ANKRD55: variants seen among roughly 807,000 people sequenced by gnomAD.
The protein encoded by ANKRD55 is ankyrin repeat domain-containing protein 55.
Under a neutral mutation model 60.6 loss-of-function variants are expected in ANKRD55, and 41 were observed. That is an observed-to-expected ratio of 0.68 (90% confidence interval 0.53 to 0.88). ANKRD55 has a LOEUF of 0.88. ANKRD55 is among the 40% of genes least tolerant of loss of function. The pLI is 0.00. For synonymous variants in ANKRD55, 264 were observed against 290.3 expected, an observed-to-expected ratio of 0.91 and a Z score of 0.92; for missense variants, 732 against 767.6, an observed-to-expected ratio of 0.95 and a Z score of 0.55.
At chr5:56,224,682 C>T (rs930425243) in intron 2 of ANKRD55, among the ~76,000 whole-genome samples, 5 of 152,060 alleles carry the variant, frequency 3.3e-5, no homozygotes, top group African/African-American at 4.8e-5. Flanking sequence ...ATACAAACTA[C>T]CATCAGAGAA....
At chr5:56,167,165 A>G (rs932689196) in intron 5 of ANKRD55, among the ~76,000 whole-genome samples, 1 of 152,220 alleles carries the variant, frequency 6.6e-6, no homozygotes, top group African/African-American at 2.4e-5. Context: ...ACTTTCTGAG[A>G]AATGTGTCGT....
At chr5:56,184,235 C>T (rs1758917154) in intron 2 of ANKRD55, among the ~76,000 whole-genome samples, 1 of 152,190 alleles carries the variant, frequency 6.6e-6, no homozygotes, top group Admixed American at 6.5e-5. Context: ...TCCCCTAGTG[C>T]CGTGTTCGGC....
In ANKRD55 at chr5:56,166,158, T is replaced by TTTCTTTCC. The variant is rs1554040812; in HGVS notation, c.422+4535_422+4536insGGAAAGAA. ...TCTTTCTTTCTTTCTTTCTTTCTTCTTTCCTTCCTTCCTTCCTTCCTTCCT... is the reference window on the plus strand; with the variant it reads ...TCTTTCTTTCTTTCTTTCTTTCTTCTTTCTTTCCTTCCTTCCTTCCTTCCTTCCTTCCT... On this transcript the variant is annotated intron_variant, in intron 5 of 11. Coordinates refer to ENST00000341048, the MANE Select transcript of ANKRD55 (RefSeq NM_024669.3). Among the ~76,000 whole-genome samples, 113 of 72,454 alleles carry TTTCTTTCC rather than the reference T, an allele frequency of 1.6e-3. 14 individuals carry two copies. Among genetic ancestry groups the TTTCTTTCC allele is most frequent in the South Asian group, 7.2e-3 (16 of 2,226 alleles). The allele number at this position is 72,454 out of a possible 152,430, so 47.5% of individuals were successfully genotyped here. A position where few individuals can be genotyped will look rare whatever the true frequency, so the allele number is the denominator to read the frequency against.
At chr5:56,231,663 A>G (rs1001732195) in intron 2 of ANKRD55, among the ~76,000 whole-genome samples, 91 of 12,782 alleles carry the variant, frequency 7.1e-3, no homozygotes, top group African/African-American at 0.026. Flanking sequence ...GCACACACAC[A>G]CACACACACA....
intron 8 of ANKRD55, among the ~76,000 whole-genome samples, chr5:56,125,290 TTTTTCAGA>T (rs1053285433): frequency 1.3e-5 from 2 of 152,066 alleles, no homozygotes; most frequent in Admixed American, 1.3e-4. Context: ...TTTCTTTTTT[TTTTTCAGA>T]CAGAGTCTTG....
rs772756747 is a variant in ANKRD55 at position 56,111,472 on chromosome 5, G to T, written c.1276C>A (p.Arg426Ser). 4 of 1,614,154 alleles carry T rather than the reference G, an allele frequency of 2.5e-6. No homozygotes were observed. Among genetic ancestry groups the T allele is most frequent in the Middle Eastern group, 1.7e-4 (1 of 6,056 alleles). Residue 426 changes from arginine (R) to serine (S), a missense_variant, in exon 10 of 12, where the codon CGT becomes AGT. Physicochemically the swap from Arg to Ser is moderately radical, Grantham distance 110. Transcript: ENST00000341048. The stretch of plus-strand genomic sequence containing the variant: ...GTTCTGATTGGTGGAAGCCCCTTAC[G>T]GGCCAGCGGTTTCTTTTCTGGTAAG... ...YLLPEKKPLA[R>S]KGLPPIRTQS...
intron 2 of ANKRD55, among the ~76,000 whole-genome samples, chr5:56,218,320 A>G (rs1345910078): frequency 6.6e-6 from 1 of 152,274 alleles, no homozygotes; most frequent in Non-Finnish European, 1.5e-5. Flanking sequence ...ACCATATCAC[A>G]TGTTACATAC....
At chr5:56,155,345 TTGAAAGA>T (rs1350223619) in intron 6 of ANKRD55, among the ~76,000 whole-genome samples, 5 of 152,126 alleles carry the variant, frequency 3.3e-5, no homozygotes, top group African/African-American at 7.2e-5. Context: ...GTTACTTTCC[TTGAAAGA>T]TGAAAGATGA....
chr5:56,209,200 A>G (rs1429896611), intron 2 of ANKRD55, among the ~76,000 whole-genome samples: 1 of 150,606 alleles, frequency 6.6e-6, no homozygotes, highest in Non-Finnish European at 1.5e-5. Context: ...CAAGTGATCT[A>G]CCCCCCTCGG....
chr5:56,173,451 G>A (rs1305556947), intron 4 of ANKRD55, among the ~76,000 whole-genome samples: 2 of 151,108 alleles, frequency 1.3e-5, no homozygotes, highest in Non-Finnish European at 2.9e-5. Context: ...ACCTGCCTCG[G>A]CCTCCCAAAG....
intron 5 of ANKRD55, among the ~76,000 whole-genome samples, chr5:56,168,326 GT>G (rs1331858503): frequency 1.3e-5 from 2 of 152,152 alleles, no homozygotes; most frequent in Admixed American, 1.3e-4. Flanking sequence ...AACAATTCAT[GT>G]TTTAAATTGT....
chr5:56,176,234 A>G lies in ANKRD55; in HGVS notation c.230T>C (p.Val77Ala), dbSNP rs1295680444. 6.2e-7 allele frequency: 1 copy of G among 1,614,200 alleles called. No individual in the cohort carries two copies. Among genetic ancestry groups the G allele is most frequent in the South Asian group, 1.1e-5 (1 of 91,080 alleles). ...HAVSGRQADT[V>A]KLLLKMGANI... ...GGCTCCCATCTTCAACAGCAGCTTC[A>G]CTGTGTCCGCTTGACGTCCAGAAAC... is the stretch of plus-strand genomic sequence containing the variant. Residue 77 changes from valine to alanine, a missense_variant, in exon 4 of 12, where the codon GTG (valine) becomes GCG (alanine). Coordinates refer to ENST00000341048, the MANE Select transcript of ANKRD55 (RefSeq NM_024669.3).
intron 5 of ANKRD55, among the ~76,000 whole-genome samples, chr5:56,162,673 A>T (rs160300): frequency 0.67 from 99,884 of 148,228 alleles, 33,773 homozygotes; most frequent in Middle Eastern, 0.8. Context: ...TTTTTGGTCA[A>T]TTTTTTTTTT....
chr5:56,118,739 T>G (rs1377106374), intron 8 of ANKRD55, among the ~76,000 whole-genome samples: 3 of 151,996 alleles, frequency 2.0e-5, no homozygotes, highest in African/African-American at 7.2e-5. Flanking sequence ...GAATAGACAT[T>G]TCGTCAAAGA....
At chr5:56,212,058 A>G (rs1759686915) in intron 2 of ANKRD55, among the ~76,000 whole-genome samples, 2 of 128,386 alleles carry the variant, frequency 1.6e-5, no homozygotes, top group African/African-American at 3.6e-5. Flanking sequence ...AGACACACAC[A>G]CACACACACA....
chr5:56,175,292 C>T (rs1758714568), intron 4 of ANKRD55, among the ~76,000 whole-genome samples: 1 of 152,196 alleles, frequency 6.6e-6, no homozygotes, highest in Non-Finnish European at 1.5e-5. Context: ...GTGAATTCAC[C>T]ACCATCAGTG....
At chr5:56,163,909 T>C (rs1346790586) in intron 5 of ANKRD55, among the ~76,000 whole-genome samples, 2 of 152,060 alleles carry the variant, frequency 1.3e-5, no homozygotes, top group East Asian at 1.9e-4. Flanking sequence ...CTGGCTAACA[T>C]GGTGAAACCC....
intron 2 of ANKRD55, chr5:56,192,883 C>A: frequency 1.6e-6 from 1 of 642,006 alleles, no homozygotes; most frequent in South Asian, 1.7e-5. Context: ...CTACATGGGC[C>A]CAGCGTTGTC....
intron 7 of ANKRD55, among the ~76,000 whole-genome samples, chr5:56,141,736 TA>T (rs1236771217): frequency 6.6e-6 from 1 of 151,698 alleles, no homozygotes; most frequent in Admixed American, 6.6e-5. Flanking sequence ...CTGGTAAACA[TA>T]AAAAAAAGAG....
Sources: allele counts gnomAD v4.1 joint callset (sites outside exome capture counted in the v4.1 genomes callset), GRCh38; gene constraint gnomAD v4.1.1; transcripts MANE v1.5; gene names NCBI Gene and HGNC (gene_info 2026-07-23, HGNC 2026-07-21).